The following RASSF9 variants were observed in gnomAD, a reference collection of about 807,000 sequenced individuals.
RASSF9 encodes the protein Ras association domain family member 9.
RASSF9 carries 18 observed loss-of-function variants against 21.4 expected under a neutral mutation model. The observed-to-expected ratio is 0.84, with a 90% CI of 0.58 to 1.25. The LOEUF is 1.25. RASSF9 is among the 50% of genes most tolerant of loss of function. The probability of loss-of-function intolerance (pLI) is 0.00; values close to 1 mark genes in which losing one functional copy is unlikely to be tolerated. For synonymous variants in RASSF9, 183 were observed against 179.1 expected, an observed-to-expected ratio of 1.02 and a Z score of -0.18; for missense variants, 480 against 503.2, an observed-to-expected ratio of 0.95 and a Z score of 0.44.
intron 1 of RASSF9, among the ~76,000 whole-genome samples, chr12:85,811,884 G>T (rs894023472): frequency 6.6e-6 from 1 of 151,738 alleles, no homozygotes; most frequent in Non-Finnish European, 1.5e-5. Flanking sequence ...ATTAGGGTAT[G>T]TCACATTTTG....
chr12:85,825,947 C>G (rs1324679563), intron 1 of RASSF9, among the ~76,000 whole-genome samples: 2 of 152,150 alleles, frequency 1.3e-5, no homozygotes, highest in Non-Finnish European at 2.9e-5. Flanking sequence ...GTCAGCCTGA[C>G]AGCCCTGACT....
rs914664664 is a variant in RASSF9 at position 85,801,179 on chromosome 12, T to C, written c.*3523A>G. On this transcript the variant is annotated 3_prime_UTR_variant, in exon 2 of 2. Coordinates refer to ENST00000361228, the MANE Select transcript of RASSF9 (RefSeq NM_005447.4). ...AAAATTCTATAATATAACCATTAAA[T>C]CAGCTTAAAGAGACATTTGGGGTTT... 6.6e-6 allele frequency: 1 copy of C among 152,098 alleles called. No individual in the cohort carries two copies. The highest frequency in any genetic ancestry group is 1.5e-5 in the Non-Finnish European group (1 of 67,998). 9.4% of individuals were successfully genotyped at this position (152,098 alleles called of 1,614,324 possible).
At chr12:85,823,518 G>T (rs1428177022) in intron 1 of RASSF9, among the ~76,000 whole-genome samples, 1 of 152,096 alleles carries the variant, frequency 6.6e-6, no homozygotes, top group Non-Finnish European at 1.5e-5. Flanking sequence ...GATTAGCATG[G>T]CCACAAACAC....
intron 1 of RASSF9, among the ~76,000 whole-genome samples, chr12:85,806,214 T>A (rs183422783): frequency 9.9e-6 from 1 of 100,924 alleles, no homozygotes; most frequent in Admixed American, 9.1e-5. Context: ...GCCCGGCTAA[T>A]TTTTTTTTTG....
At chr12:85,823,199 CAAA>C (rs1164958967) in intron 1 of RASSF9, among the ~76,000 whole-genome samples, 13 of 93,030 alleles carry the variant, frequency 1.4e-4, no homozygotes, top group East Asian at 3.7e-4. Flanking sequence ...AACTCCGTCT[CAAA>C]AAAAAAAAAA....
At chr12:85,834,640 C>A (rs973771845) in intron 1 of RASSF9, among the ~76,000 whole-genome samples, 3 of 152,080 alleles carry the variant, frequency 2.0e-5, no homozygotes, top group African/African-American at 7.2e-5. Flanking sequence ...GCCCTGACTA[C>A]AGGGATAGTA....
Position 85,804,533 on chromosome 12 carries a change from T to C in RASSF9, c.*169A>G, listed in dbSNP as rs539229139. 28 of 650,710 alleles carry C rather than the reference T, an allele frequency of 4.3e-5. No individual in the cohort carries two copies. In the African/African-American group the frequency reaches 5.1e-4, roughly 12 times the overall value. The allele number at this position is 650,710 out of a possible 1,614,324, so 40.3% of individuals were successfully genotyped here. On this transcript the variant is annotated 3_prime_UTR_variant, in exon 2 of 2. Coordinates refer to ENST00000361228, the MANE Select transcript of RASSF9 (RefSeq NM_005447.4). ...TTGCTTGAACTTGCAATAATTAAAG[T>C]TCCTTTGGAAATTTCACATCAGAAA...
chr12:85,822,075 G>T (rs1439170373), intron 1 of RASSF9, among the ~76,000 whole-genome samples: 4 of 152,144 alleles, frequency 2.6e-5, no homozygotes, highest in Middle Eastern at 3.4e-3. Flanking sequence ...CAAAAAAAAA[G>T]TGCTTATTAA....
At chr12:85,810,718 G>A (rs1205631037) in intron 1 of RASSF9, among the ~76,000 whole-genome samples, 3 of 151,686 alleles carry the variant, frequency 2.0e-5, no homozygotes, top group African/African-American at 4.8e-5. Flanking sequence ...ATCTACAAAC[G>A]CAAACACAAC....
rs1211486314 is a variant in RASSF9 at position 85,815,660 on chromosome 12, T to G, written c.48-9698A>C. Among the ~76,000 whole-genome samples, 5 of 152,282 alleles carry G rather than the reference T, an allele frequency of 3.3e-5. No homozygotes were observed. The East Asian group carries it at 9.7e-4, about 29-fold the overall frequency. On this transcript the variant is annotated intron_variant, in intron 1 of 1. Coordinates refer to ENST00000361228, the MANE Select transcript of RASSF9 (RefSeq NM_005447.4). ...TGACTGGAGTGAGATGGTATCTCAC[T>G]GTTGTTTTGATTTGCATTTCTCTAA...
At chr12:85,812,677 A>T (rs1326481191) in intron 1 of RASSF9, among the ~76,000 whole-genome samples, 1 of 151,520 alleles carries the variant, frequency 6.6e-6, no homozygotes, top group African/African-American at 2.4e-5. Flanking sequence ...GAGTAATAGA[A>T]CTGGAAAATT....
chr12:85,820,790 G>A (rs898711894), intron 1 of RASSF9, among the ~76,000 whole-genome samples: 5 of 152,070 alleles, frequency 3.3e-5, no homozygotes, highest in Non-Finnish European at 7.4e-5. Flanking sequence ...TTAGAGAATT[G>A]TTCAATTTAT....
chr12:85,816,257 C>G (rs541059427), intron 1 of RASSF9, among the ~76,000 whole-genome samples: 1 of 148,682 alleles, frequency 6.7e-6, no homozygotes, highest in South Asian at 2.1e-4. Flanking sequence ...ACCCCCATGA[C>G]AAAAGTTTAC....
At position 85,819,744 on chromosome 12, in the gene RASSF9, T is replaced by A. The variant is rs75062487; in HGVS notation, c.48-13782A>T. On this transcript the variant is annotated intron_variant, in intron 1 of 1. Coordinates refer to ENST00000361228, the MANE Select transcript of RASSF9 (RefSeq NM_005447.4). ...CCAATGACTGATAGATAGTTAGCAT[T>A]TATAATGACTAGTTCCCTGTCTGCT... 4.7e-4 allele frequency among the ~76,000 whole-genome samples: 72 copies of A among 152,312 alleles called. No homozygotes were observed. In the East Asian group the frequency reaches 0.011, roughly 24 times the overall value.
Position 85,804,739 on chromosome 12 carries a change from T to G in RASSF9, c.1271A>C (p.Glu424Ala), listed in dbSNP as rs573383768. The G allele has an allele frequency of 1.2e-6, 2 of 1,610,324 alleles. No individual in the cohort carries two copies. Among genetic ancestry groups the G allele is most frequent in the Non-Finnish European group, 1.7e-6 (2 of 1,176,910 alleles). ...CAGCACCACATCTCCTACTGTTGTT[T>G]CGGAGTCCTGACTGTGGTTAGAACT... is the stretch of plus-strand genomic sequence containing the variant. Reference protein sequence around the residue: ...GISSNHSQDSETTVGDVVLLS... With the variant: ...GISSNHSQDSATTVGDVVLLS... Residue 424 changes from glutamate to alanine, a missense_variant, in exon 2 of 2, where the codon GAA (glutamate) becomes GCA (alanine). Transcript: ENST00000361228.
chr12:85,836,380 C>T lies in RASSF9; in HGVS notation c.-179G>A. The stretch of plus-strand genomic sequence containing the variant: ...AAAGTTGCTGGAAGTTGTGCAACTG[C>T]TGCTTAACTTTGAACTGCGGGATTG... On this transcript the variant is annotated 5_prime_UTR_variant, in exon 1 of 2. Coordinates refer to ENST00000361228, the MANE Select transcript of RASSF9 (RefSeq NM_005447.4). The T allele has an allele frequency of 1.5e-6, 2 of 1,349,406 alleles. No individual in the cohort carries two copies. The highest frequency in any genetic ancestry group is 2.0e-6 in the Non-Finnish European group (2 of 1,007,852). The allele number at this position is 1,349,406 out of a possible 1,614,324, so 83.6% of individuals were successfully genotyped here.
chr12:85,823,260 T>C (rs756277128), intron 1 of RASSF9, among the ~76,000 whole-genome samples: 2 of 151,974 alleles, frequency 1.3e-5, no homozygotes, highest in Non-Finnish European at 2.9e-5. Flanking sequence ...ACTTTTCTTC[T>C]TAGGGTTATC....
Position 85,836,184 on chromosome 12 carries a change from T to G in RASSF9, c.18A>C (p.Arg6Ser), listed in dbSNP as rs201426102. 6.5e-7 allele frequency: 1 copy of G among 1,549,838 alleles called. No individual in the cohort carries two copies. Among genetic ancestry groups the G allele is most frequent in the Non-Finnish European group, 8.7e-7 (1 of 1,146,846 alleles). Residue 6 changes from arginine to serine, a missense_variant, in exon 1 of 2, where the codon AGA becomes AGC. By Grantham distance (110) the Arg-to-Ser change is moderately radical (BLOSUM62 -1). Transcript: ENST00000361228. MAPFG[R>S]NLLKTRHKNR... Reference sequence around the variant, plus strand: ...TTTTATGCCGAGTCTTTAGCAAGTTTCTTCCAAAGGGAGCCATGGTCTGTC... The same window carrying G: ...TTTTATGCCGAGTCTTTAGCAAGTTGCTTCCAAAGGGAGCCATGGTCTGTC...
At chr12:85,827,475 G>C (rs1880358466) in intron 1 of RASSF9, among the ~76,000 whole-genome samples, 1 of 152,080 alleles carries the variant, frequency 6.6e-6, no homozygotes, top group Admixed American at 6.6e-5. Context: ...TTGACCTTTT[G>C]AAAAATGTAA....
Sources: gnomAD v4.1 joint callset for allele counts (sites outside exome capture counted in the v4.1 genomes callset) on GRCh38, gnomAD v4.1.1 for gene constraint, MANE v1.5 for transcripts, NCBI Gene and HGNC (gene_info 2026-07-23, HGNC 2026-07-21) for gene names.